Variants in CFAP47 observed in about 807,000 individuals in gnomAD.
CFAP47 encodes cilia- and flagella-associated protein 47.
A neutral mutation model predicts 148.1 loss-of-function variants in CFAP47; 29 were observed. The ratio of observed to expected loss-of-function variants is 0.20; its 90% CI spans 0.15 to 0.27. The LOEUF (loss-of-function observed/expected upper bound fraction) is 0.27. CFAP47 is among the 10% of genes least tolerant of loss of function. The probability of loss-of-function intolerance (pLI) is 1.00; values close to 1 mark genes in which losing one functional copy is unlikely to be tolerated. For synonymous variants in CFAP47, 664 were observed against 577.3 expected (o/e 1.15, Z -2.15); for missense variants, 1,872 against 1,697.5 (o/e 1.10, Z -1.81).
intron 2 of CFAP47, among the ~76,000 whole-genome samples, chrX:35,934,593 C>G (rs1394784139): frequency 9.0e-6 from 1 of 110,947 alleles, no homozygotes; most frequent in African/African-American, 3.3e-5. Flanking sequence ...AGATACAACC[C>G]TTTTACTTTT....
At chrX:36,027,903 T>C (rs1937238871) in intron 22 of CFAP47, among the ~76,000 whole-genome samples, 1 of 111,767 alleles carries the variant, frequency 8.9e-6, no homozygotes, top group Admixed American at 9.5e-5. Context: ...ACCTCGCTGA[T>C]AATTAGTGAT....
intron 10 of CFAP47, among the ~76,000 whole-genome samples, 188 bp from the exon 11 acceptor site, chrX:35,970,580 C>T (rs982062634): frequency 9.0e-6 from 1 of 110,812 alleles, no homozygotes; most frequent in Admixed American, 9.7e-5. Context: ...AAAAAATAGG[C>T]TTCACTCTAG....
At position 36,054,963 on chromosome X, in the gene CFAP47, G is replaced by A. The variant is rs1432851840; in HGVS notation, c.4217+7900G>A. On this transcript the variant is annotated intron_variant, in intron 26 of 63. Transcript: ENST00000378653. The stretch of plus-strand genomic sequence containing the variant: ...AATTTTTTGTATTTTTAGTAGAGAT[G>A]GGGTTTCACCGTGTTAGCCAGGATG... 2.7e-5 allele frequency among the ~76,000 whole-genome samples: 3 copies of A among 109,343 alleles called. No homozygotes were observed. The East Asian group carries it at 8.7e-4, about 32-fold the overall frequency. The allele number at this position is 109,343 out of a possible 115,157, so 95.0% of individuals were successfully genotyped here. A position where few individuals can be genotyped will look rare whatever the true frequency, so the allele number is the denominator to read the frequency against.
intron 29 of CFAP47, among the ~76,000 whole-genome samples, chrX:36,076,251 C>T (rs1385112982): frequency 9.5e-6 from 1 of 105,352 alleles, no homozygotes; most frequent in African/African-American, 3.5e-5. Context: ...CATATGTATA[C>T]ATGTGCCATG....
chrX:36,156,934 G>A (rs1939374543), intron 37 of CFAP47, among the ~76,000 whole-genome samples: 2 of 111,130 alleles, frequency 1.8e-5, no homozygotes, highest in Admixed American at 1.9e-4. Context: ...TAAGACTTAA[G>A]TATAGGTTCA....
At position 36,379,481 on chromosome X, in the gene CFAP47, T is replaced by G. The variant is rs782324033; in HGVS notation, c.9317T>G (p.Met3106Arg). The change falls in exon 63 of 64, where the codon ATG becomes AGG. Residue 3106 changes from methionine (M) to arginine (R), a missense_variant. Coordinates refer to ENST00000378653, the MANE Select transcript of CFAP47 (RefSeq NM_001304548.2). ...ATCACTGTAGGATTTAAACCTAAAA[T>G]GTACTGTAGGAAATATAAAGCAACA... Reference protein sequence around the residue: ...TLITVGFKPKMYCRKYKATLV... With the variant: ...TLITVGFKPKRYCRKYKATLV... The G allele has an allele frequency of 1.2e-4, 145 of 1,163,211 alleles. 2 individuals are homozygous for G. The East Asian group carries it at 4.6e-3, about 37-fold the overall frequency.
intron 37 of CFAP47, among the ~76,000 whole-genome samples, chrX:36,157,394 T>C (rs1939380898): frequency 8.9e-6 from 1 of 112,227 alleles, no homozygotes; most frequent in African/African-American, 3.2e-5. Context: ...TATTGCTTGC[T>C]AAGATTTAGC....
chrX:35,929,659 TTTTC>T (rs201587769), intron 2 of CFAP47, among the ~76,000 whole-genome samples: 1,914 of 111,547 alleles, frequency 0.017, 19 homozygotes, highest in Non-Finnish European at 0.028. Context: ...TTTTACCTTT[TTTTC>T]TTTCTTTATT....
chrX:36,010,417 G>A (rs1270872742), intron 21 of CFAP47, among the ~76,000 whole-genome samples: 1 of 108,257 alleles, frequency 9.2e-6, no homozygotes, highest in South Asian at 3.9e-4. Context: ...AGTTATTCAT[G>A]TCTCCTCTCA....
intron 53 of CFAP47, 136 bp downstream of exon 53, chrX:36,301,315 A>G (rs1941297278): frequency 2.5e-6 from 1 of 403,376 alleles, no homozygotes; most frequent in African/African-American, 2.6e-5. Context: ...TCCCCTAGGG[A>G]AGGTTTGATA....
intron 26 of CFAP47, among the ~76,000 whole-genome samples, chrX:36,047,740 C>T (rs112258425): frequency 2.7e-5 from 3 of 111,673 alleles, no homozygotes; most frequent in African/African-American, 6.5e-5. Flanking sequence ...CATTTAGAGG[C>T]GTCATTTGTA....
rs779743363 is a variant in CFAP47, at chrX:36,099,450, C to CCT, written c.4999-300_4999-299dup. ...TTGGCACTATGCTGAGGTCCTGTTG[C>CCT]CTTATCCAAAGGGTGTGATTCTTTC... On this transcript the variant is annotated intron_variant, in intron 31 of 63. Coordinates refer to ENST00000378653, the MANE Select transcript of CFAP47 (RefSeq NM_001304548.2). 5.3e-3 allele frequency among the ~76,000 whole-genome samples: 573 copies of CCT among 107,196 alleles called. 2 individuals carry two copies. Among genetic ancestry groups the CCT allele is most frequent in the Non-Finnish European group, 8.8e-3 (461 of 52,137 alleles). 93.1% of individuals were successfully genotyped at this position (107,196 alleles called of 115,157 possible).
intron 3 of CFAP47, among the ~76,000 whole-genome samples, chrX:35,946,299 C>T (rs950637176): frequency 8.9e-6 from 1 of 111,878 alleles, no homozygotes; most frequent in Non-Finnish European, 1.9e-5. Context: ...TGTTGACATA[C>T]CTGCAATTTA....
intron 46 of CFAP47, among the ~76,000 whole-genome samples, chrX:36,235,360 T>C (rs1555994042): frequency 1.8e-5 from 2 of 112,240 alleles, no homozygotes; most frequent in East Asian, 2.8e-4. Context: ...TGCCTTGCAG[T>C]CTGATCTCAG....
intron 51 of CFAP47, among the ~76,000 whole-genome samples, chrX:36,288,610 C>G (rs1054659036): frequency 2.7e-5 from 3 of 112,357 alleles, no homozygotes; most frequent in African/African-American, 9.7e-5. Flanking sequence ...TTATAAACAA[C>G]CTTCAATGAA....
intron 33 of CFAP47, among the ~76,000 whole-genome samples, chrX:36,119,209 T>C (rs961296993): frequency 8.9e-6 from 1 of 112,235 alleles, no homozygotes; most frequent in African/African-American, 3.2e-5. Flanking sequence ...GCTTCGGGTC[T>C]GTCATATGTA....
intron 15 of CFAP47, among the ~76,000 whole-genome samples, chrX:35,984,633 G>A (rs367829832): frequency 1.8e-5 from 2 of 111,551 alleles, no homozygotes; most frequent in East Asian, 2.8e-4. Flanking sequence ...CTGTGTCCTA[G>A]AGAGTCTGCT....
intron 49 of CFAP47, among the ~76,000 whole-genome samples, chrX:36,270,418 C>T (rs1940944700): frequency 9.1e-6 from 1 of 109,752 alleles, no homozygotes; most frequent in Non-Finnish European, 1.9e-5. Flanking sequence ...TGAATAATGA[C>T]ATTGAGCATC....
intron 43 of CFAP47, 135 bp downstream of exon 43, chrX:36,200,628 T>C (rs371682452): frequency 1.5e-4 from 42 of 279,534 alleles, no homozygotes; most frequent in East Asian, 5.6e-4. Context: ...TTAACTTTAT[T>C]ATGTCAGTAT....
Sources: gnomAD v4.1 joint callset for allele counts (sites outside exome capture counted in the v4.1 genomes callset) on GRCh38, gnomAD v4.1.1 for gene constraint, MANE v1.5 for transcripts, NCBI Gene and HGNC (gene_info 2026-07-23, HGNC 2026-07-21) for gene names.